Variants in CSMD1 observed in about 807,000 individuals in gnomAD.
The protein encoded by CSMD1 is CUB and sushi domain-containing protein 1.
In CSMD1, 213 loss-of-function variants were observed where a neutral mutation model predicts 417.5. That is an observed-to-expected ratio of 0.51 (90% CI 0.46 to 0.57). CSMD1 has a LOEUF of 0.57. Ranked by LOEUF, CSMD1 falls within the 20% of genes least tolerant of loss-of-function variation. The pLI is 0.00. For missense variants in CSMD1, 6,923 were observed against 4,529.7 expected (o/e 1.53, Z -15.17); for synonymous variants, 2,862 against 1,736.8 (o/e 1.65, Z -16.11).
intron 5 of CSMD1, among the ~76,000 whole-genome samples, chr8:3,886,260 G>C (rs760261231): frequency 7.2e-5 from 11 of 152,028 alleles, no homozygotes; most frequent in Admixed American, 2.0e-4. Flanking sequence ...TGTTGGCCTG[G>C]CTGGTCTCAA....
chr8:3,246,522 T>C (rs1799890417), intron 26 of CSMD1, among the ~76,000 whole-genome samples: 1 of 152,080 alleles, frequency 6.6e-6, no homozygotes, highest in South Asian at 2.1e-4. Context: ...CCCAGGCTGG[T>C]GTGCAGTGAC....
intron 5 of CSMD1, among the ~76,000 whole-genome samples, chr8:3,969,362 T>C (rs1423120351): frequency 1.3e-5 from 2 of 152,204 alleles, no homozygotes. Flanking sequence ...CATCACAGAA[T>C]GCTCAGAAGC....
At chr8:4,147,742 C>G (rs1457558655) in intron 3 of CSMD1, among the ~76,000 whole-genome samples, 1 of 152,128 alleles carries the variant, frequency 6.6e-6, no homozygotes, top group Admixed American at 6.5e-5. Context: ...CCTAGGTTAA[C>G]AACCCCCGGC....
intron 1 of CSMD1, among the ~76,000 whole-genome samples, chr8:4,971,729 C>T (rs1186812298): frequency 1.3e-5 from 2 of 151,322 alleles, no homozygotes; most frequent in Non-Finnish European, 2.9e-5. Flanking sequence ...TGATTACATT[C>T]TTCATATAAA....
intron 3 of CSMD1, among the ~76,000 whole-genome samples, chr8:4,401,748 G>A (rs370980600): frequency 4.6e-5 from 7 of 151,892 alleles, no homozygotes; most frequent in East Asian, 1.9e-4. Context: ...TGAAGCTGGC[G>A]TCCCCTCTCT....
chr8:3,632,134 T>C (rs922047704), intron 7 of CSMD1, among the ~76,000 whole-genome samples: 1 of 152,202 alleles, frequency 6.6e-6, no homozygotes, highest in Non-Finnish European at 1.5e-5. Context: ...TTCTTTAACA[T>C]TCCTGCTAGA....
At chr8:4,367,273 A>G (rs1052624107) in intron 3 of CSMD1, among the ~76,000 whole-genome samples, 1 of 152,296 alleles carries the variant, frequency 6.6e-6, no homozygotes, top group African/African-American at 2.4e-5. Context: ...GCCAGACTGC[A>G]TGAGTCTAGA....
intron 3 of CSMD1, among the ~76,000 whole-genome samples, chr8:4,066,782 C>T (rs1454566056): frequency 1.3e-5 from 2 of 152,110 alleles, no homozygotes; most frequent in African/African-American, 4.8e-5. Context: ...GGGCGAGAAA[C>T]GAATGCAAGC....
intron 5 of CSMD1, among the ~76,000 whole-genome samples, chr8:3,984,522 A>G (rs1018687893): frequency 3.3e-5 from 5 of 151,766 alleles, no homozygotes; most frequent in Non-Finnish European, 7.4e-5. Context: ...AGTAATAAGT[A>G]CACTATTTTG....
chr8:3,004,310 C>G (rs914173236), intron 52 of CSMD1, among the ~76,000 whole-genome samples: 18 of 152,126 alleles, frequency 1.2e-4, no homozygotes, highest in African/African-American at 4.1e-4. Context: ...CTCCAACAGG[C>G]AATTGTGTAG....
rs573558693 is a variant in CSMD1, at chr8:4,867,000, A to G, written c.85+127332T>C. The stretch of plus-strand genomic sequence containing the variant: ...AGACATTGTATTTCCTCAGCATATT[A>G]CTACTCAATTCTCGGCAGGCTTTGA... On this transcript the variant is annotated intron_variant, in intron 1 of 69. Transcript: ENST00000635120. Among the ~76,000 whole-genome samples, 26 of 152,128 alleles carry G rather than the reference A, an allele frequency of 1.7e-4. No individual in the cohort carries two copies. The South Asian group carries it at 5.4e-3, about 32-fold the overall frequency.
intron 1 of CSMD1, among the ~76,000 whole-genome samples, chr8:4,672,251 C>A (rs753655921): frequency 9.2e-5 from 14 of 152,044 alleles, no homozygotes; most frequent in Non-Finnish European, 1.6e-4. Flanking sequence ...TCACAGGACA[C>A]ATATCAGGAA....
chr8:3,883,352 T>C (rs1159527273), intron 5 of CSMD1, among the ~76,000 whole-genome samples: 1 of 152,142 alleles, frequency 6.6e-6, no homozygotes, highest in Admixed American at 6.5e-5. Flanking sequence ...AAAAGTCAAT[T>C]AACATGAAGT....
intron 1 of CSMD1, among the ~76,000 whole-genome samples, chr8:4,956,555 A>G (rs192222318): frequency 3.6e-4 from 54 of 149,872 alleles, no homozygotes; most frequent in Non-Finnish European, 7.0e-4. Context: ...TGTATATCAT[A>G]ACATATAATA....
intron 3 of CSMD1, among the ~76,000 whole-genome samples, chr8:4,270,539 C>G (rs1293802678): frequency 2.0e-5 from 3 of 152,142 alleles, no homozygotes; most frequent in African/African-American, 7.2e-5. Flanking sequence ...CCAGCTGTGA[C>G]TAGTACAGCT....
At chr8:3,570,832 C>T (rs959155170) in intron 10 of CSMD1, among the ~76,000 whole-genome samples, 9 of 152,096 alleles carry the variant, frequency 5.9e-5, no homozygotes, top group Admixed American at 5.2e-4. Context: ...GTTTCACTTT[C>T]CGGGATCTTG....
At chr8:3,988,941 T>C (rs1000398777) in intron 5 of CSMD1, among the ~76,000 whole-genome samples, 1 of 152,232 alleles carries the variant, frequency 6.6e-6, no homozygotes, top group African/African-American at 2.4e-5. Flanking sequence ...ACAGCTTTTA[T>C]AACTCAAAAA....
intron 3 of CSMD1, among the ~76,000 whole-genome samples, chr8:4,244,113 TGTGCGGATGAGTTTCGCGCA>T (rs1802556962): frequency 6.6e-6 from 1 of 152,176 alleles, no homozygotes; most frequent in Non-Finnish European, 1.5e-5. Flanking sequence ...TACTGGGTGC[TGTGCGGATGAGTTTCGCGCA>T]GCACAAGTAG....
At chr8:3,648,492 A>T (rs1797688888) in intron 7 of CSMD1, among the ~76,000 whole-genome samples, 1 of 152,186 alleles carries the variant, frequency 6.6e-6, no homozygotes, top group Non-Finnish European at 1.5e-5. Context: ...CAGTGGAGTG[A>T]CTGCTGAGAT....
Sources: gnomAD v4.1 joint callset for allele counts (sites outside exome capture counted in the v4.1 genomes callset) on GRCh38, gnomAD v4.1.1 for gene constraint, MANE v1.5 for transcripts, NCBI Gene and HGNC (gene_info 2026-07-23, HGNC 2026-07-21) for gene names.